CTNNA2: variants seen among roughly 807,000 people sequenced by gnomAD.
CTNNA2 encodes the protein catenin alpha 2.
CTNNA2 carries 42 observed loss-of-function variants against 101.0 expected under a neutral mutation model. That is an observed-to-expected ratio of 0.42 (90% CI 0.32 to 0.54). CTNNA2 has a LOEUF of 0.54. Ranked by LOEUF, CTNNA2 falls within the 20% of genes least tolerant of loss-of-function variation. The pLI, the probability that CTNNA2 is intolerant of heterozygous loss-of-function variation, is 0.14. For synonymous variants in CTNNA2, 450 were observed against 456.4 expected, an observed-to-expected ratio of 0.99 and a Z score of 0.18; for missense variants, 871 against 1,223.1, an observed-to-expected ratio of 0.71 and a Z score of 4.29.
chr2:80,113,160 G>A (rs1268926929), intron 7 of CTNNA2, among the ~76,000 whole-genome samples: 1 of 152,182 alleles, frequency 6.6e-6, no homozygotes, highest in Non-Finnish European at 1.5e-5. Flanking sequence ...GGAAATGTAG[G>A]AAGTAAATGA....
chr2:80,358,324 C>T (rs1170783282), intron 7 of CTNNA2, among the ~76,000 whole-genome samples: 1 of 143,484 alleles, frequency 7.0e-6, no homozygotes, highest in East Asian at 2.0e-4. Flanking sequence ...TGAATGAGTT[C>T]TACGTCAGTA....
chr2:79,308,624 T>C (rs1193020310), intron 2 of CTNNA2, among the ~76,000 whole-genome samples: 1 of 152,120 alleles, frequency 6.6e-6, no homozygotes, highest in Non-Finnish European at 1.5e-5. Flanking sequence ...TTCTAGAAGT[T>C]TTATAGTTTC....
chr2:80,287,308 C>T (rs1674854023), intron 7 of CTNNA2, among the ~76,000 whole-genome samples: 1 of 152,162 alleles, frequency 6.6e-6, no homozygotes, highest in Non-Finnish European at 1.5e-5. Flanking sequence ...AGACTACCAT[C>T]TTCCCCCCTC....
chr2:80,286,618 T>G (rs1231670436), intron 7 of CTNNA2, among the ~76,000 whole-genome samples: 1 of 152,186 alleles, frequency 6.6e-6, no homozygotes, highest in African/African-American at 2.4e-5. Flanking sequence ...TCGTGGATTG[T>G]GCTCTTAGGA....
intron 1 of CTNNA2, among the ~76,000 whole-genome samples, chr2:79,638,931 G>C (rs1257588042): frequency 3.9e-5 from 6 of 152,048 alleles, no homozygotes; most frequent in Admixed American, 3.3e-4. Flanking sequence ...CTCCATCCTA[G>C]AGTTACTTGG....
At chr2:79,707,888 A>T (rs1051640441) in intron 2 of CTNNA2, among the ~76,000 whole-genome samples, 1 of 152,078 alleles carries the variant, frequency 6.6e-6, no homozygotes, top group South Asian at 2.1e-4. Context: ...ATGACACTGA[A>T]CTCTAGATAC....
intron 7 of CTNNA2, among the ~76,000 whole-genome samples, chr2:80,269,471 A>G (rs1673286672): frequency 6.6e-6 from 1 of 152,214 alleles, no homozygotes. Context: ...GTATATCCTT[A>G]TAGCAATGTG....
chr2:79,400,563 A>T (rs1161904337), intron 4 of CTNNA2, among the ~76,000 whole-genome samples: 1 of 152,048 alleles, frequency 6.6e-6, no homozygotes. Context: ...AAAATCGGTT[A>T]ACTTGAAGAA....
intron 7 of CTNNA2, among the ~76,000 whole-genome samples, chr2:80,120,030 C>T (rs993390836): frequency 6.6e-6 from 1 of 152,186 alleles, no homozygotes; most frequent in Non-Finnish European, 1.5e-5. Context: ...GCTGATAACA[C>T]AATGCGTAAT....
chr2:80,064,606 CTGG>C (rs1697846191), intron 7 of CTNNA2, among the ~76,000 whole-genome samples: 1 of 152,228 alleles, frequency 6.6e-6, no homozygotes, highest in Non-Finnish European at 1.5e-5. Flanking sequence ...AGTCGCATGA[CTGG>C]TAGGTACCCA....
intron 7 of CTNNA2, among the ~76,000 whole-genome samples, chr2:80,147,633 A>G (rs1703434897): frequency 6.6e-6 from 1 of 152,114 alleles, no homozygotes; most frequent in African/African-American, 2.4e-5. Flanking sequence ...GAGATGCTGT[A>G]TATGCTTTTC....
chr2:80,173,736 G>A (rs531752024), intron 7 of CTNNA2, among the ~76,000 whole-genome samples: 1 of 152,236 alleles, frequency 6.6e-6, no homozygotes, highest in Admixed American at 6.5e-5. Flanking sequence ...GTCAAGGGAA[G>A]GCCTAGGGTG....
intron 4 of CTNNA2, among the ~76,000 whole-genome samples, chr2:79,407,042 A>G (rs1453726846): frequency 1.3e-5 from 2 of 152,046 alleles, no homozygotes; most frequent in African/African-American, 4.8e-5. Flanking sequence ...GTGCATTTAC[A>G]GTAGTCAGTG....
intron 7 of CTNNA2, among the ~76,000 whole-genome samples, chr2:80,317,641 C>T (rs993701429): frequency 6.6e-6 from 1 of 152,276 alleles, no homozygotes; most frequent in South Asian, 2.1e-4. Context: ...CCACTCCTCT[C>T]GGCCCCCTTC....
At chr2:80,021,377 G>T (rs1311202210) in intron 7 of CTNNA2, among the ~76,000 whole-genome samples, 1 of 152,008 alleles carries the variant, frequency 6.6e-6, no homozygotes, top group Non-Finnish European at 1.5e-5. Flanking sequence ...TATATGGTGG[G>T]ACTGGAATCA....
chr2:79,753,081 A>G (rs548276039), intron 3 of CTNNA2, among the ~76,000 whole-genome samples: 170 of 152,294 alleles, frequency 1.1e-3, no homozygotes, highest in South Asian at 7.5e-3. Flanking sequence ...CTTGACCACT[A>G]TTGGAGATGT....
At chr2:80,609,076 AT>A (rs1269118906) in intron 17 of CTNNA2, among the ~76,000 whole-genome samples, 2 of 151,716 alleles carry the variant, frequency 1.3e-5, no homozygotes, top group Admixed American at 6.6e-5. Flanking sequence ...ACAGGGTGCC[AT>A]TTGTTGCAAA....
rs141593781 is a variant in CTNNA2, at chr2:80,383,996, C to T, written c.1057-9215C>T. 3.2e-3 allele frequency among the ~76,000 whole-genome samples: 485 copies of T among 152,180 alleles called. 3 individuals carry two copies. The highest frequency in any genetic ancestry group is 3.1e-3 in the Non-Finnish European group (213 of 67,992). ...AACACTATGCAGCCACAAAAAAGAA[C>T]AAGATCATGTTCTTTGCAGCAACAT... is the stretch of plus-strand genomic sequence containing the variant. On this transcript the variant is annotated intron_variant, in intron 7 of 18. Transcript: ENST00000402739.
intron 4 of CTNNA2, among the ~76,000 whole-genome samples, chr2:79,458,692 A>C (rs77755321): frequency 1.1e-4 from 16 of 152,338 alleles, no homozygotes; most frequent in African/African-American, 3.8e-4. Flanking sequence ...GCCATGCTTT[A>C]CAGTGAAAAC....
Sources: allele counts gnomAD v4.1 joint callset (sites outside exome capture counted in the v4.1 genomes callset), GRCh38; gene constraint gnomAD v4.1.1; transcripts MANE v1.5; gene names NCBI Gene and HGNC (gene_info 2026-07-23, HGNC 2026-07-21).